Variants in RIPK4 observed in about 807,000 individuals in gnomAD.
RIPK4 encodes receptor interacting serine/threonine kinase 4.
In RIPK4, 17 loss-of-function variants were observed where a neutral mutation model predicts 42.9. The observed-to-expected ratio is 0.40, with a 90% CI of 0.27 to 0.59. The LOEUF is 0.59. Ranked by LOEUF, RIPK4 falls within the 20% of genes least tolerant of loss-of-function variation. The pLI, the probability that RIPK4 is intolerant of heterozygous loss-of-function variation, is 0.47. For missense variants in RIPK4, 897 were observed against 1,104.4 expected, an observed-to-expected ratio of 0.81 and a Z score of 2.66; for synonymous variants, 498 against 499.1, an observed-to-expected ratio of 1.00 and a Z score of 0.03.
At chr21:41,762,065 G>C (rs2061222043) in intron 1 of RIPK4, among the ~76,000 whole-genome samples, 1 of 152,332 alleles carries the variant, frequency 6.6e-6, no homozygotes, top group African/African-American at 2.4e-5. Context: ...ATCCCGGCTA[G>C]AATCTCCTAA....
Position 41,741,235 on chromosome 21 carries a change from G to T in RIPK4, c.1958C>A (p.Ala653Asp). The change falls in exon 8 of 8, where the codon GCC becomes GAC. Residue 653 changes from alanine to aspartate, a missense_variant. Physicochemically the swap from Ala to Asp is moderately radical, Grantham distance 126. Transcript: ENST00000332512. ...VAAETGHTST[A>D]RLLLHRGAGK... ...AGCGCCCCGATGCAGGAGCAGCCTG[G>T]CAGTGCTCGTGTGCCCCGTCTCCGC... The T allele has an allele frequency of 6.2e-7, 1 of 1,609,320 alleles. No homozygotes were observed.
intron 6 of RIPK4, 39 bp downstream of exon 6, chr21:41,745,720 C>T: frequency 6.7e-7 from 1 of 1,496,132 alleles, no homozygotes; most frequent in Non-Finnish European, 9.3e-7. Context: ...TGCCTGGAAG[C>T]CGAGGAGACA....
At chr21:41,754,172 G>C (rs56341047) in intron 2 of RIPK4, among the ~76,000 whole-genome samples, 51,336 of 151,942 alleles carry the variant, frequency 0.34, 8,935 homozygotes, top group Admixed American at 0.41. Flanking sequence ...TGTCTACTGA[G>C]GACTGCCCAG....
At chr21:41,749,296 C>CTGAA (rs1354312502) in intron 3 of RIPK4, 93 bp from the exon 4 acceptor site, 1 of 1,224,538 alleles carries the variant, frequency 8.2e-7, no homozygotes, top group Non-Finnish European at 1.2e-6. Flanking sequence ...GACACCTGTT[C>CTGAA]TGAAGCCTTC....
Position 41,741,075 on chromosome 21 carries a change from C to A in RIPK4, c.2118G>T (p.Ala706=). 1 of 1,611,308 alleles carries A rather than the reference C, an allele frequency of 6.2e-7. No individual in the cohort carries two copies. Among genetic ancestry groups the A allele is most frequent in the Non-Finnish European group, 8.5e-7 (1 of 1,179,696 alleles). The change falls in exon 8 of 8, where the codon GCG becomes GCT. Residue 706 remains alanine (A), a synonymous_variant. Transcript: ENST00000332512. ...VLARGPLNQT[A]LHLAAAHGHS... is the part of the protein sequence containing the mutation. ...GCCCGTGGGCGGCAGCCAGGTGCAG[C>A]GCCGTCTGGTTCAGGGGTCCCCGGG... is the stretch of plus-strand genomic sequence containing the variant.
intron 1 of RIPK4, among the ~76,000 whole-genome samples, chr21:41,765,425 A>G (rs753695272): frequency 6.6e-6 from 1 of 152,028 alleles, no homozygotes; most frequent in African/African-American, 2.4e-5. Flanking sequence ...ACTCGTCACC[A>G]CTCTACTGGT....
At chr21:41,746,874 T>A in intron 4 of RIPK4, 103 bp from the exon 5 acceptor site, 1 of 1,310,002 alleles carries the variant, frequency 7.6e-7, no homozygotes, top group Non-Finnish European at 1.0e-6. Flanking sequence ...AATGGGGCCA[T>A]CCCCACACCA....
chr21:41,756,856 C>T (rs1057133355), intron 1 of RIPK4, 40 bp from the exon 2 acceptor site: 4 of 1,588,510 alleles, frequency 2.5e-6, no homozygotes, highest in Non-Finnish European at 3.4e-6. Flanking sequence ...GCAATGGTCA[C>T]TCAGCCACAA....
intron 5 of RIPK4, 124 bp from the exon 6 acceptor site, chr21:41,745,986 C>T: frequency 1.2e-6 from 1 of 858,826 alleles, no homozygotes; most frequent in South Asian, 1.3e-5. Context: ...AGCCTGAGCT[C>T]ACCAGGCAAG....
At position 41,758,717 on chromosome 21, in the gene RIPK4, T is replaced by C. The variant is rs143750995; in HGVS notation, c.183-1901A>G. Among the ~76,000 whole-genome samples, 625 of 152,386 alleles carry C rather than the reference T, an allele frequency of 4.1e-3. 4 individuals are homozygous for C. The highest frequency in any genetic ancestry group is 0.014 in the African/African-American group (590 of 41,594). ...CATTCATTTAAACACTGGCTGTGGC[T>C]GCTTTTGCACTTCAAAGGGGAGAGG... On this transcript the variant is annotated intron_variant, in intron 1 of 7. Coordinates refer to ENST00000332512, the MANE Select transcript of RIPK4 (RefSeq NM_020639.3).
At chr21:41,754,889 C>T (rs1337252168) in intron 2 of RIPK4, among the ~76,000 whole-genome samples, 2 of 152,206 alleles carry the variant, frequency 1.3e-5, no homozygotes. Context: ...TACAGCTGGA[C>T]GATCCTGGCT....
chr21:41,751,255 A>G lies in RIPK4; in HGVS notation c.475-10T>C, dbSNP rs1264075465. The G allele has an allele frequency of 6.2e-7, 1 of 1,613,962 alleles. No homozygotes were observed. Among genetic ancestry groups the G allele is most frequent in the East Asian group, 2.2e-5 (1 of 44,874 alleles). On this transcript the variant is annotated splice_polypyrimidine_tract_variant and intron_variant, in intron 2 of 7. Transcript: ENST00000332512. This position sits in a 1 kb window ranked among gnomAD's most constrained non-coding sequence, Gnocchi z 4.5. ...GACCAAAATCAGAAATCTGCAACAC[A>G]GCCATCAGAGCGGGGCTCATTAGCC...
rs2061186776 is a variant in RIPK4 at position 41,751,014 on chromosome 21, T to C, written c.623+83A>G. Reference sequence around the variant, plus strand: ...TCTGACTGGCAGCAAGAGGCCTTTCTGAAAGCTGCAGCTCAGGGCATGAAG... The same window carrying C: ...TCTGACTGGCAGCAAGAGGCCTTTCCGAAAGCTGCAGCTCAGGGCATGAAG... On this transcript the variant is annotated intron_variant, in intron 3 of 7. Coordinates refer to ENST00000332512, the MANE Select transcript of RIPK4 (RefSeq NM_020639.3). The surrounding 1 kb of genome is among the most constrained non-coding windows in gnomAD (Gnocchi z 4.5). 1 of 1,518,758 alleles carries C rather than the reference T, an allele frequency of 6.6e-7. No individual in the cohort carries two copies. The highest frequency in any genetic ancestry group is 1.4e-5 in the African/African-American group (1 of 72,178). The allele number at this position is 1,518,758 out of a possible 1,614,324, so 94.1% of individuals were successfully genotyped here.
At position 41,739,868 on chromosome 21, in the gene RIPK4, T is replaced by G. The variant is rs979182285; in HGVS notation, c.*970A>C. On this transcript the variant is annotated 3_prime_UTR_variant, in exon 8 of 8. Coordinates refer to ENST00000332512, the MANE Select transcript of RIPK4 (RefSeq NM_020639.3). ...AGCTGGGAAGGGCGCAGGTGAGCAG[T>G]GCATCTACCTAGGTAATACTGTCTA... 2.6e-5 allele frequency: 4 copies of G among 152,276 alleles called. No individual in the cohort carries two copies. Among genetic ancestry groups the G allele is most frequent in the African/African-American group, 9.6e-5 (4 of 41,458 alleles). 9.4% of individuals were successfully genotyped at this position (152,276 alleles called of 1,614,324 possible).
In RIPK4 at chr21:41,741,660, T is replaced by G; in HGVS notation, c.1533A>C (p.Ala511=). The G allele has an allele frequency of 6.2e-7, 1 of 1,613,752 alleles. No homozygotes were observed. The highest frequency in any genetic ancestry group is 1.7e-5 in the Admixed American group (1 of 60,028). Residue 511 remains alanine (A), a synonymous_variant, in exon 8 of 8, where the codon GCA becomes GCC. Transcript: ENST00000332512. ...DEDQWTALHF[A]AQNGDESSTR... ...TGCTAGACTCGTCCCCGTTCTGGGCTGCAAAGTGGAGGGCTGTCCACTGGT... is the reference window on the plus strand; with the variant it reads ...TGCTAGACTCGTCCCCGTTCTGGGCGGCAAAGTGGAGGGCTGTCCACTGGT...
intron 5 of RIPK4, 82 bp downstream of exon 5, chr21:41,746,531 T>C (rs1208826858): frequency 2.5e-5 from 38 of 1,523,190 alleles, no homozygotes; most frequent in African/African-American, 4.1e-5. Flanking sequence ...CACCCAGGCC[T>C]GGTCCCTCAC....
intron 1 of RIPK4, among the ~76,000 whole-genome samples, chr21:41,766,314 A>G (rs1354399590): frequency 1.3e-5 from 2 of 152,204 alleles, no homozygotes; most frequent in African/African-American, 2.4e-5. Context: ...AAATAATTAC[A>G]GTCTTACACC....
rs886057088 is a variant in RIPK4, at chr21:41,740,779, G to A, written c.*59C>T. ...CCACGCAGGATCGTTCCATCCCCAC[G>A]AGGAACACAGGACAGGACAAGAGCC... is the stretch of plus-strand genomic sequence containing the variant. On this transcript the variant is annotated 3_prime_UTR_variant, in exon 8 of 8. Transcript: ENST00000332512. The A allele has an allele frequency of 2.8e-4, 415 of 1,488,358 alleles. 3 individuals are homozygous for A. The highest frequency in any genetic ancestry group is 7.0e-5 in the African/African-American group (5 of 71,720). 92.2% of individuals were successfully genotyped at this position (1,488,358 alleles called of 1,614,324 possible). A position where few individuals can be genotyped will look rare whatever the true frequency, so the allele number is the denominator to read the frequency against.
intron 1 of RIPK4, among the ~76,000 whole-genome samples, chr21:41,765,079 C>T (rs1486351124): frequency 6.6e-6 from 1 of 152,218 alleles, no homozygotes. Flanking sequence ...AGGGACTGGT[C>T]GCTAGAAATA....
Sources: allele counts gnomAD v4.1 joint callset (sites outside exome capture counted in the v4.1 genomes callset), GRCh38; gene constraint gnomAD v4.1.1; non-coding constraint Gnocchi (gnomAD v3.1); transcripts MANE v1.5; gene names NCBI Gene and HGNC (gene_info 2026-07-23, HGNC 2026-07-21).